Variants in SHISA9 observed in about 807,000 individuals in gnomAD.
SHISA9 encodes protein shisa-9.
In SHISA9, 13 loss-of-function variants were observed where a neutral mutation model predicts 38.0. The observed-to-expected ratio is 0.34, with a 90% CI of 0.22 to 0.54. SHISA9 has a LOEUF of 0.54. SHISA9 is among the 20% of genes least tolerant of loss of function. The pLI, the probability that SHISA9 is intolerant of heterozygous loss-of-function variation, is 0.91. For synonymous variants in SHISA9, 275 were observed against 242.0 expected, an observed-to-expected ratio of 1.14 and a Z score of -1.27; for missense variants, 538 against 575.8, an observed-to-expected ratio of 0.93 and a Z score of 0.67.
At chr16:13,305,539 G>A in the SHISA9 span, among the ~76,000 whole-genome samples, 2 of 152,136 alleles carry the variant, frequency 1.3e-5, no homozygotes, top group African/African-American at 4.8e-5. Context: ...TGCTTGCTCT[G>A]CTGGAATCCA....
At chr16:13,176,950 A>G (rs1318152753) in intron 2 of SHISA9, among the ~76,000 whole-genome samples, 2 of 152,146 alleles carry the variant, frequency 1.3e-5, no homozygotes, top group African/African-American at 4.8e-5. Context: ...TGGGGAGGAC[A>G]CATGACTCCA....
At chr16:12,981,504 A>T (rs1567171759) in intron 2 of SHISA9, among the ~76,000 whole-genome samples, 1 of 151,996 alleles carries the variant, frequency 6.6e-6, no homozygotes, top group Admixed American at 6.5e-5. Flanking sequence ...GCACGCAGCC[A>T]CTCCAGTAGT....
chr16:13,186,151 A>G (rs1567239298), intron 2 of SHISA9, among the ~76,000 whole-genome samples: 1 of 152,132 alleles, frequency 6.6e-6, no homozygotes, highest in Non-Finnish European at 1.5e-5. Context: ...TATCTTCAAA[A>G]TGAATACAAT....
At chr16:13,390,598 C>G in the SHISA9 span, among the ~76,000 whole-genome samples, 2 of 152,162 alleles carry the variant, frequency 1.3e-5, no homozygotes, top group African/African-American at 4.8e-5. Context: ...AGATTTCAAG[C>G]TTAGGCTTGA....
intron 2 of SHISA9, among the ~76,000 whole-genome samples, chr16:13,014,478 C>A (rs753355362): frequency 1.3e-5 from 2 of 152,202 alleles, no homozygotes; most frequent in Non-Finnish European, 2.9e-5. Context: ...CTTAATTAAT[C>A]CAATCCACTG....
the SHISA9 span, among the ~76,000 whole-genome samples, chr16:13,338,373 C>T: frequency 1.0e-3 from 153 of 152,244 alleles, no homozygotes; most frequent in African/African-American, 2.6e-3. Flanking sequence ...AGGACCTCAG[C>T]GTCATTCATG....
At chr16:13,267,226 G>A in the SHISA9 span, among the ~76,000 whole-genome samples, 1 of 152,146 alleles carries the variant, frequency 6.6e-6, no homozygotes, top group Non-Finnish European at 1.5e-5. Flanking sequence ...CTAAGATCCT[G>A]AAAGCTAAAT....
the SHISA9 span, among the ~76,000 whole-genome samples, chr16:13,434,140 A>G: frequency 6.6e-6 from 1 of 152,198 alleles, no homozygotes; most frequent in African/African-American, 2.4e-5. Flanking sequence ...GTTCAAAGGC[A>G]GGAAGCATCC....
chr16:12,976,986 T>C (rs559161220), intron 2 of SHISA9, among the ~76,000 whole-genome samples: 9 of 152,246 alleles, frequency 5.9e-5, no homozygotes, highest in African/African-American at 2.2e-4. Flanking sequence ...CATTGTAAGC[T>C]TGAGAGACAT....
At chr16:13,021,951 T>C (rs1365087666) in intron 2 of SHISA9, among the ~76,000 whole-genome samples, 1 of 152,152 alleles carries the variant, frequency 6.6e-6, no homozygotes, top group Non-Finnish European at 1.5e-5. Flanking sequence ...TCTTACCAAT[T>C]TGGAGGCAGT....
the SHISA9 span, among the ~76,000 whole-genome samples, chr16:13,294,068 G>A: frequency 6.6e-6 from 1 of 152,160 alleles, no homozygotes; most frequent in Non-Finnish European, 1.5e-5. Flanking sequence ...AATTATTGCA[G>A]AGCTTCTGGT....
At chr16:13,476,754 T>TG in the SHISA9 span, among the ~76,000 whole-genome samples, 4 of 133,728 alleles carry the variant, frequency 3.0e-5, no homozygotes, top group African/African-American at 8.4e-5. Context: ...TTTTTTTTTT[T>TG]TTTTTTTTTT....
the SHISA9 span, among the ~76,000 whole-genome samples, chr16:13,396,222 A>G: frequency 6.6e-6 from 1 of 152,132 alleles, no homozygotes; most frequent in Non-Finnish European, 1.5e-5. Flanking sequence ...AACTAAATCA[A>G]TCGGCCGGAT....
rs185222066 is a variant in SHISA9, at chr16:13,181,877, A to T, written c.692-21517A>T. ...TTGGGCAGGAAGGGATTCAAGATTC[A>T]CTTAGAATTATTTTAAGGGAACCAG... On this transcript the variant is annotated intron_variant, in intron 2 of 4. Coordinates refer to ENST00000558583, the MANE Select transcript of SHISA9 (RefSeq NM_001145204.3). 2.3e-3 allele frequency among the ~76,000 whole-genome samples: 348 copies of T among 152,302 alleles called. 2 individuals are homozygous for T. The highest frequency in any genetic ancestry group is 7.9e-3 in the African/African-American group (330 of 41,572).
the SHISA9 span, among the ~76,000 whole-genome samples, chr16:13,476,971 C>T: frequency 6.6e-6 from 1 of 152,094 alleles, no homozygotes. Flanking sequence ...TGGTCTCGAT[C>T]TCCTGACCTC....
chr16:13,394,428 T>A, the SHISA9 span, among the ~76,000 whole-genome samples: 2 of 152,198 alleles, frequency 1.3e-5, no homozygotes, highest in African/African-American at 4.8e-5. Context: ...GGTCTGGACC[T>A]TTCTATTTGC....
rs111433004 is a variant in SHISA9, at chr16:12,957,379, C to G, written c.691+40564C>G. Among the ~76,000 whole-genome samples the G allele has an allele frequency of 3.9e-3, 589 of 152,300 alleles. 3 individuals are homozygous for G. Among genetic ancestry groups the G allele is most frequent in the African/African-American group, 0.013 (550 of 41,558 alleles). On this transcript the variant is annotated intron_variant, in intron 2 of 4. Coordinates refer to ENST00000558583, the MANE Select transcript of SHISA9 (RefSeq NM_001145204.3). Reference sequence around the variant, plus strand: ...ATAAACAACAGACATTTGTTTCTCACGATTCCGGAGGCTGGAAGTCTGAGA... The same window carrying G: ...ATAAACAACAGACATTTGTTTCTCAGGATTCCGGAGGCTGGAAGTCTGAGA...
At chr16:12,921,119 T>C (rs878928405) in intron 2 of SHISA9, among the ~76,000 whole-genome samples, 5 of 152,260 alleles carry the variant, frequency 3.3e-5, no homozygotes, top group Admixed American at 1.3e-4. Flanking sequence ...AAGACTTTCA[T>C]ATTCCATATA....
At chr16:13,480,016 C>T in the SHISA9 span, among the ~76,000 whole-genome samples, 1 of 152,218 alleles carries the variant, frequency 6.6e-6, no homozygotes, top group Non-Finnish European at 1.5e-5. Context: ...TACTTAACCT[C>T]TCTGTGCCTC....
Sources: allele counts gnomAD v4.1 joint callset (sites outside exome capture counted in the v4.1 genomes callset), GRCh38; gene constraint gnomAD v4.1.1; transcripts MANE v1.5; gene names NCBI Gene and HGNC (gene_info 2026-07-23, HGNC 2026-07-21).